HERC2: variants seen among roughly 807,000 people sequenced by gnomAD.
The protein encoded by HERC2 is E3 ubiquitin-protein ligase HERC2.
A neutral mutation model predicts 537.7 loss-of-function variants in HERC2; 102 were observed. That is an observed-to-expected ratio of 0.19 (90% CI 0.16 to 0.22). HERC2 has a LOEUF of 0.22. Among genes scored for constraint, HERC2 ranks in the 10% least tolerant of loss-of-function variants. HERC2 has a pLI of 1.00. For missense variants in HERC2, 4,236 were observed against 6,198.2 expected (o/e 0.68, Z 10.63); for synonymous variants, 2,224 against 2,466.2 (o/e 0.90, Z 2.91).
At position 28,129,780 on chromosome 15, in the gene HERC2, CT is replaced by C. The variant is rs36068402; in HGVS notation, c.12802+382del. Among the ~76,000 whole-genome samples, 47 of 143,502 alleles carry C rather than the reference CT, an allele frequency of 3.3e-4. 1 individual carries two copies. The highest frequency in any genetic ancestry group is 6.7e-4 in the African/African-American group (26 of 38,868). 94.1% of individuals were successfully genotyped at this position (143,502 alleles called of 152,430 possible). ...AGGACACAGTATAAGCCTCTGCCTC[CT>C]TTTTTTTTTTTTTTTTGAGACAGTC... On this transcript the variant is annotated intron_variant, in intron 83 of 92. Transcript: ENST00000261609.
intron 43 of HERC2, among the ~76,000 whole-genome samples, chr15:28,211,681 G>A (rs1248424198): frequency 1.3e-5 from 2 of 152,114 alleles, no homozygotes; most frequent in Non-Finnish European, 2.9e-5. Context: ...TATTCACCAC[G>A]ATGGGAAACG....
In HERC2 at chr15:28,239,842, A is replaced by C. The variant is rs1246040700; in HGVS notation, c.3578-1070T>G. On this transcript the variant is annotated intron_variant, in intron 23 of 92. Coordinates refer to ENST00000261609, the MANE Select transcript of HERC2 (RefSeq NM_004667.6). ...CTTTGAAAAAGAAAACGGTATGATC[A>C]CAGGGAGAGGAGGGCCTGGAGCCAT... is the stretch of plus-strand genomic sequence containing the variant. Among the ~76,000 whole-genome samples, 10 of 152,298 alleles carry C rather than the reference A, an allele frequency of 6.6e-5. No individual in the cohort carries two copies. In the East Asian group the frequency reaches 1.7e-3, roughly 26 times the overall value.
chr15:28,234,114 G>A lies in HERC2; in HGVS notation c.4174C>T (p.Leu1392=). 2 of 807,168 alleles carry A rather than the reference G, an allele frequency of 2.5e-6. No homozygotes were observed. Among genetic ancestry groups the A allele is most frequent in the Non-Finnish European group, 4.4e-6 (2 of 458,452 alleles). 50.0% of individuals were successfully genotyped at this position (807,168 alleles called of 1,614,324 possible). A position where few individuals can be genotyped will look rare whatever the true frequency, so the allele number is the denominator to read the frequency against. ...ATGTTGTTGTCTGCAATGGCTTGCA[G>A]AAATGCCTGGGAATGGTCCCCCAGG... ...RALGDHSQAF[L]QAIADNNIQD... is the part of the protein sequence containing the mutation. The change falls in exon 27 of 93, where the codon CTG becomes TTG. Residue 1392 remains leucine (L), a synonymous_variant. Transcript: ENST00000261609.
At chr15:28,256,031 C>T (rs765398169) in intron 18 of HERC2, 35 bp from the exon 19 acceptor site, 7 of 1,604,806 alleles carry the variant, frequency 4.4e-6, no homozygotes, top group Admixed American at 1.7e-5. Flanking sequence ...TTGAGTGAAA[C>T]GCCATTCCCT....
At chr15:28,305,289 A>G (rs2076754410) in intron 2 of HERC2, among the ~76,000 whole-genome samples, 2 of 152,138 alleles carry the variant, frequency 1.3e-5, no homozygotes, top group South Asian at 4.1e-4. Flanking sequence ...AGGAATCGCC[A>G]CACTGACTTC....
chr15:28,173,990 C>T lies in HERC2; in HGVS notation c.10057+405G>A, dbSNP rs1442778852. ...TTATCTTTGATTGTGCTGATGCTTTCATGGATCATACATATTCCAAAGTCA... is the reference window on the plus strand; with the variant it reads ...TTATCTTTGATTGTGCTGATGCTTTTATGGATCATACATATTCCAAAGTCA... On this transcript the variant is annotated intron_variant, in intron 65 of 92. Transcript: ENST00000261609. 3.9e-5 allele frequency among the ~76,000 whole-genome samples: 6 copies of T among 151,986 alleles called. No individual in the cohort carries two copies. The East Asian group carries it at 5.8e-4, about 15-fold the overall frequency.
At chr15:28,225,680 G>C (rs1901059098) in intron 35 of HERC2, among the ~76,000 whole-genome samples, 1 of 124,460 alleles carries the variant, frequency 8.0e-6, no homozygotes, top group African/African-American at 3.2e-5. Context: ...CCTGGCAAGA[G>C]AGCAAGACTC....
At chr15:28,282,147 C>A (rs1251670164) in intron 4 of HERC2, among the ~76,000 whole-genome samples, 1 of 152,128 alleles carries the variant, frequency 6.6e-6, no homozygotes, top group African/African-American at 2.4e-5. Context: ...AGTGGGAAGC[C>A]TGGACTTCGT....
chr15:28,221,992 G>C, intron 36 of HERC2, 36 bp downstream of exon 36: 2 of 1,040,134 alleles, frequency 1.9e-6, no homozygotes, highest in Admixed American at 3.4e-5. Flanking sequence ...GATAACTAAT[G>C]TGTGGCTAAT....
At chr15:28,174,254 C>T in intron 65 of HERC2, 141 bp downstream of exon 65, 1 of 650,042 alleles carries the variant, frequency 1.5e-6, no homozygotes, top group Non-Finnish European at 2.6e-6. Flanking sequence ...GAGAGCACAC[C>T]ATAATTCTTC....
Position 28,111,964 on chromosome 15 carries a change from C to T in HERC2, c.14304G>A (p.Leu4768=), listed in dbSNP as rs1265334193. Residue 4768 remains leucine (L), a synonymous_variant, in exon 93 of 93, where the codon CTG becomes CTA. Coordinates refer to ENST00000261609, the MANE Select transcript of HERC2 (RefSeq NM_004667.6). ...GCACCTGCTTGCAGGAATACCTGGG[C>T]AGCTTCAGCAAGAAGAAACAGGTGT... is the stretch of plus-strand genomic sequence containing the variant. ...ESYTCFFLLK[L]PRYSCKQVLE... 2 of 1,614,130 alleles carry T rather than the reference C, an allele frequency of 1.2e-6. No individual in the cohort carries two copies. The highest frequency in any genetic ancestry group is 1.7e-5 in the Admixed American group (1 of 60,026).
At chr15:28,162,676 T>C (rs1302891803) in intron 69 of HERC2, among the ~76,000 whole-genome samples, 1 of 151,912 alleles carries the variant, frequency 6.6e-6, no homozygotes, top group African/African-American at 2.4e-5. Flanking sequence ...GATCACGAGG[T>C]CAGGAGATCA....
chr15:28,251,487 A>C (rs1325802078), intron 20 of HERC2, among the ~76,000 whole-genome samples: 16 of 147,282 alleles, frequency 1.1e-4, no homozygotes, highest in South Asian at 1.1e-3. Context: ...AAAAAAAAAA[A>C]CAAAAAAACA....
chr15:28,249,731 C>T (rs571928885), intron 20 of HERC2, among the ~76,000 whole-genome samples: 20 of 152,220 alleles, frequency 1.3e-4, no homozygotes, highest in African/African-American at 4.8e-4. Context: ...ACTGCAACCT[C>T]CGCCTCCCGG....
intron 10 of HERC2, 128 bp from the exon 11 acceptor site, chr15:28,269,564 A>C: frequency 1.4e-6 from 1 of 706,872 alleles, no homozygotes; most frequent in Non-Finnish European, 2.3e-6. Context: ...TCAAAACATC[A>C]AAATAGCTCA....
At position 28,122,626 on chromosome 15, in the gene HERC2, C is replaced by T. The variant is rs948529200; in HGVS notation, c.13189-1197G>A. On this transcript the variant is annotated intron_variant, in intron 85 of 92. Transcript: ENST00000261609. The surrounding 1 kb of genome is among the most constrained non-coding windows in gnomAD (Gnocchi z 4.1). ...TCCCCTCTCCTCCCAGTCACCAGCC[C>T]GCCCACCTTCCTGGAGAGTCCATTT... Among the ~76,000 whole-genome samples the T allele has an allele frequency of 1.6e-4, 25 of 152,302 alleles. No individual in the cohort carries two copies. The highest frequency in any genetic ancestry group is 3.1e-4 in the Non-Finnish European group (21 of 68,028).
At chr15:28,309,405 A>C (rs1333417814) in intron 2 of HERC2, among the ~76,000 whole-genome samples, 1 of 152,096 alleles carries the variant, frequency 6.6e-6, no homozygotes, top group East Asian at 1.9e-4. Context: ...TGGCCCCTTT[A>C]TCATTACATA....
rs1292261670 is a variant in HERC2 at position 28,113,510 on chromosome 15, C to T, written c.14019+63G>A. On this transcript the variant is annotated intron_variant, in intron 91 of 92. Transcript: ENST00000261609. This position sits in a 1 kb window ranked among gnomAD's most constrained non-coding sequence, Gnocchi z 7.0. ...AAGGTTCTGACTCTAACTGCTGTCA[C>T]TGATTTGTGGGTCAGCAGGCAAAAG... 7 of 1,415,726 alleles carry T rather than the reference C, an allele frequency of 4.9e-6. No individual in the cohort carries two copies. The allele number at this position is 1,415,726 out of a possible 1,614,324, so 87.7% of individuals were successfully genotyped here.
chr15:28,190,011 CTTT>C (rs72036273), intron 55 of HERC2, among the ~76,000 whole-genome samples: 3 of 137,780 alleles, frequency 2.2e-5, no homozygotes, highest in Non-Finnish European at 1.6e-5. Flanking sequence ...TTCTTTCTTT[CTTT>C]TTTTTTTTTT....
Sources: gnomAD v4.1 joint callset for allele counts (sites outside exome capture counted in the v4.1 genomes callset) on GRCh38, gnomAD v4.1.1 for gene constraint, Gnocchi (gnomAD v3.1) non-coding constraint, MANE v1.5 for transcripts, NCBI Gene and HGNC (gene_info 2026-07-23, HGNC 2026-07-21) for gene names.